Variants in C10orf90 observed in about 807,000 individuals in gnomAD.
C10orf90 encodes (E2-independent) E3 ubiquitin-conjugating enzyme FATS.
A neutral mutation model predicts 62.5 loss-of-function variants in C10orf90; 56 were observed. The ratio of observed to expected loss-of-function variants is 0.90; its 90% CI spans 0.72 to 1.12. The LOEUF (loss-of-function observed/expected upper bound fraction) is 1.12, where lower values mean the gene tolerates loss of function less well. Among genes scored for constraint, C10orf90 ranks in the 50% most tolerant of loss-of-function variants. The probability of loss-of-function intolerance (pLI) is 0.00; values close to 1 mark genes in which losing one functional copy is unlikely to be tolerated. For synonymous variants in C10orf90, 386 were observed against 340.4 expected, an observed-to-expected ratio of 1.13 and a Z score of -1.47; for missense variants, 970 against 880.4, an observed-to-expected ratio of 1.10 and a Z score of -1.29.
chr10:126,474,772 C>G (rs536113863), intron 4 of C10orf90, among the ~76,000 whole-genome samples: 10 of 152,296 alleles, frequency 6.6e-5, no homozygotes, highest in African/African-American at 2.4e-4. Flanking sequence ...TTTGGCAACG[C>G]CTGACAAAGC....
chr10:126,474,344 A>G (rs1189387589), intron 4 of C10orf90, among the ~76,000 whole-genome samples: 1 of 152,198 alleles, frequency 6.6e-6, no homozygotes, highest in Non-Finnish European at 1.5e-5. Flanking sequence ...TCAGGATTAC[A>G]TCAACCATTA....
At chr10:126,577,944 G>A (rs910363234) in intron 2 of C10orf90, among the ~76,000 whole-genome samples, 3 of 152,086 alleles carry the variant, frequency 2.0e-5, no homozygotes, top group African/African-American at 4.8e-5. Flanking sequence ...AGAGAAAAAT[G>A]TATCTGGTCC....
At chr10:126,668,273 G>A (rs528495879) in intron 1 of C10orf90, among the ~76,000 whole-genome samples, 44 of 152,304 alleles carry the variant, frequency 2.9e-4, no homozygotes, top group African/African-American at 1.0e-3. Context: ...TTTGTGCATT[G>A]AGAGTTCATC....
intron 7 of C10orf90, among the ~76,000 whole-genome samples, chr10:126,445,261 T>A (rs1247557934): frequency 6.6e-6 from 1 of 152,046 alleles, no homozygotes; most frequent in African/African-American, 2.4e-5. Flanking sequence ...ATCTTCACAA[T>A]CTATACATCT....
chr10:126,664,472 C>T, intron 1 of C10orf90, among the ~76,000 whole-genome samples: 1 of 152,114 alleles, frequency 6.6e-6, no homozygotes, highest in Non-Finnish European at 1.5e-5. Flanking sequence ...TTCCTATGAA[C>T]ACAGATGAGA....
intron 2 of C10orf90, among the ~76,000 whole-genome samples, chr10:126,563,720 C>A (rs761885063): frequency 1.3e-5 from 2 of 152,216 alleles, no homozygotes; most frequent in Non-Finnish European, 2.9e-5. Context: ...CTGCCTCCAG[C>A]GTTTGCTCAT....
intron 2 of C10orf90, among the ~76,000 whole-genome samples, chr10:126,529,814 T>C (rs1864045351): frequency 6.6e-6 from 1 of 152,172 alleles, no homozygotes; most frequent in African/African-American, 2.4e-5. Context: ...AACAGAAAGA[T>C]GAAAATACCT....
chr10:126,451,028 G>A (rs1326476278), intron 7 of C10orf90, among the ~76,000 whole-genome samples: 1 of 151,894 alleles, frequency 6.6e-6, no homozygotes, highest in Non-Finnish European at 1.5e-5. Context: ...TAAAAAATGG[G>A]CAAAGTACCT....
intron 4 of C10orf90, among the ~76,000 whole-genome samples, chr10:126,500,119 A>T (rs530698084): frequency 4.1e-4 from 62 of 152,332 alleles, no homozygotes; most frequent in African/African-American, 1.4e-3. Context: ...ACATTTTTTC[A>T]TAAATTAACT....
chr10:126,544,863 C>A (rs1864455317), intron 2 of C10orf90, among the ~76,000 whole-genome samples: 1 of 152,040 alleles, frequency 6.6e-6, no homozygotes, highest in Non-Finnish European at 1.5e-5. Flanking sequence ...ACTTTGATTG[C>A]CTGATGATTT....
At chr10:126,603,496 C>A (rs771894228) in intron 2 of C10orf90, among the ~76,000 whole-genome samples, 1 of 152,060 alleles carries the variant, frequency 6.6e-6, no homozygotes, top group Non-Finnish European at 1.5e-5. Context: ...GGGACACAGC[C>A]AAACCATATC....
chr10:126,621,684 T>C (rs145518937), intron 2 of C10orf90, among the ~76,000 whole-genome samples: 3 of 152,330 alleles, frequency 2.0e-5, no homozygotes, highest in African/African-American at 7.2e-5. Flanking sequence ...ATCCCCAATT[T>C]GGTTATTTCA....
chr10:126,657,620 CT>C (rs777487291), intron 1 of C10orf90, among the ~76,000 whole-genome samples: 518 of 120,222 alleles, frequency 4.3e-3, no homozygotes, highest in Non-Finnish European at 6.9e-3. Flanking sequence ...TTTTTTTTTT[CT>C]TTTTTTTTTT....
chr10:126,511,122 T>C (rs184409759), intron 3 of C10orf90, among the ~76,000 whole-genome samples: 1 of 152,360 alleles, frequency 6.6e-6, no homozygotes, highest in Non-Finnish European at 1.5e-5. Flanking sequence ...CACTAGATAA[T>C]CTGTCAGCCT....
chr10:126,461,553 T>C lies in C10orf90; in HGVS notation c.1858A>G (p.Ile620Val). The change falls in exon 6 of 10, where the codon ATA (isoleucine) becomes GTA (valine). Residue 620 changes from isoleucine (I) to valine (V), a missense_variant. Coordinates refer to ENST00000488181, the MANE Select transcript of C10orf90 (RefSeq NM_001350921.2). ...TCCTCACTCTTCTTACATTCCTTTA[T>C]TTTTACAACCAAGTCACAGCATGTG... Reference protein sequence around the residue: ...DYTCCDLVVKIKECKKSEDPT... With the variant: ...DYTCCDLVVKVKECKKSEDPT... 1.9e-6 allele frequency: 3 copies of C among 1,613,946 alleles called. No individual in the cohort carries two copies. Among genetic ancestry groups the C allele is most frequent in the Non-Finnish European group, 2.5e-6 (3 of 1,179,938 alleles).
At chr10:126,618,855 G>A (rs1564894864) in intron 2 of C10orf90, among the ~76,000 whole-genome samples, 1 of 152,104 alleles carries the variant, frequency 6.6e-6, no homozygotes, top group African/African-American at 2.4e-5. Context: ...TGTGTATAAA[G>A]GAAAGCATAC....
At chr10:126,617,917 T>C (rs1276432092) in intron 2 of C10orf90, among the ~76,000 whole-genome samples, 3 of 152,172 alleles carry the variant, frequency 2.0e-5, no homozygotes, top group Admixed American at 1.3e-4. Context: ...GAGCAATAAA[T>C]GTTAACGTAT....
chr10:126,426,641 C>T (rs1857282444), intron 8 of C10orf90, among the ~76,000 whole-genome samples: 2 of 152,148 alleles, frequency 1.3e-5, no homozygotes, highest in African/African-American at 4.8e-5. Flanking sequence ...AGGGGATCTT[C>T]CTCTGGACAC....
Position 126,504,609 on chromosome 10 carries a change from C to T in C10orf90, c.882G>A (p.Glu294=), listed in dbSNP as rs772295816. Residue 294 remains glutamate (E), a synonymous_variant, in exon 4 of 10, where the codon GAG becomes GAA. Coordinates refer to ENST00000488181, the MANE Select transcript of C10orf90 (RefSeq NM_001350921.2). The surrounding 1 kb of genome is among the most constrained non-coding windows in gnomAD (Gnocchi z 4.1). The part of the protein sequence containing the change: ...GRHQRSFACT[E]FSRNSSVVRL... The stretch of plus-strand genomic sequence containing the variant: ...GCACCACGGAGCTGTTTCTGGAGAA[C>T]TCTGTGCAGGCAAAAGATCTCTGAT... 6.8e-6 allele frequency: 11 copies of T among 1,614,122 alleles called. No individual in the cohort carries two copies. The Admixed American group carries it at 1.8e-4, about 27-fold the overall frequency.
Sources: gnomAD v4.1 joint callset for allele counts (sites outside exome capture counted in the v4.1 genomes callset) on GRCh38, gnomAD v4.1.1 for gene constraint, Gnocchi (gnomAD v3.1) non-coding constraint, MANE v1.5 for transcripts, NCBI Gene and HGNC (gene_info 2026-07-23, HGNC 2026-07-21) for gene names.